Variants in DUOXA1 observed in about 807,000 individuals in gnomAD.
The protein encoded by DUOXA1 is dual oxidase activator 1.
A neutral mutation model predicts 26.6 loss-of-function variants in DUOXA1; 19 were observed. The observed-to-expected ratio is 0.71, with a 90% confidence interval of 0.50 to 1.05. DUOXA1 has a LOEUF of 1.05. Among genes scored for constraint, DUOXA1 ranks in the 50% least tolerant of loss-of-function variants. The pLI, the probability that DUOXA1 is intolerant of heterozygous loss-of-function variation, is 0.00. For missense variants in DUOXA1, 403 were observed against 427.5 expected (o/e 0.94, Z 0.51); for synonymous variants, 166 against 177.0 (o/e 0.94, Z 0.49).
Position 45,120,127 on chromosome 15 carries a change from C to T in DUOXA1, c.748G>A (p.Ala250Thr), listed in dbSNP as rs1009326616. 6.2e-7 allele frequency: 1 copy of T among 1,613,856 alleles called. No individual in the cohort carries two copies. Among genetic ancestry groups the T allele is most frequent in the Non-Finnish European group, 8.5e-7 (1 of 1,180,000 alleles). ...ASVLHTHHGP[A>T]FWITLTTGLL... ...CCTGTGGTCAATGTGATCCAGAAGG[C>T]AGGCCCATGGTGAGTATGCAGCACA... The change falls in exon 8 of 9, where the codon GCC (alanine) becomes ACC (threonine). Residue 250 changes from alanine (A) to threonine (T), a missense_variant. Transcript: ENST00000560572.
rs1344823224 is a variant in DUOXA1 at position 45,118,588 on chromosome 15, C to T, written c.*518G>A. ...TGTGGCATAGTTGGTTAATGTTAGA[C>T]CTAGGATGAGAAGTTTGGTTTCCCC... On this transcript the variant is annotated 3_prime_UTR_variant, in exon 9 of 9. Transcript: ENST00000560572. 7.1e-6 allele frequency: 7 copies of T among 990,766 alleles called. No homozygotes were observed. The highest frequency in any genetic ancestry group is 7.0e-5 in the African/African-American group (4 of 57,382). The allele number at this position is 990,766 out of a possible 1,614,324, so 61.4% of individuals were successfully genotyped here.
Position 45,120,235 on chromosome 15 carries a change from C to A in DUOXA1, c.640G>T (p.Gly214Cys), listed in dbSNP as rs1024699599. 2 of 1,614,074 alleles carry A rather than the reference C, an allele frequency of 1.2e-6. No homozygotes were observed. Among genetic ancestry groups the A allele is most frequent in the Non-Finnish European group, 1.7e-6 (2 of 1,179,986 alleles). The change falls in exon 8 of 9, where the codon GGC becomes TGC. Residue 214 changes from glycine (G) to cysteine (C), a missense_variant. By Grantham distance (159) the Gly-to-Cys change is radical (BLOSUM62 -3). Transcript: ENST00000560572. The part of the protein sequence containing the change: ...VYGGYMLLAT[G>C]IFQLLALLFF... ...AGCAGAGCCAACAGCTGGAAGATGC[C>A]CGTGGCCAATAGCATGTAGCCACCA... is the stretch of plus-strand genomic sequence containing the variant.
chr15:45,117,835 C>G lies in DUOXA1; in HGVS notation c.*1271G>C, dbSNP rs1221894396. 3.1e-6 allele frequency: 5 copies of G among 1,613,688 alleles called. No individual in the cohort carries two copies. Among genetic ancestry groups the G allele is most frequent in the Non-Finnish European group, 4.2e-6 (5 of 1,180,050 alleles). On this transcript the variant is annotated 3_prime_UTR_variant, in exon 9 of 9. Transcript: ENST00000560572. ...CTGCAGCCAGGAGAGAGGGGGCTCA[C>G]CTCTTATCCTCGGCGACCCACTGCA...
rs375226671 is a variant in DUOXA1 at position 45,121,139 on chromosome 15, G to A, written c.288C>T (p.Ser96=). The change falls in exon 6 of 9, where the codon AGC becomes AGT. Residue 96 remains serine (S), a synonymous_variant. Coordinates refer to ENST00000560572, the MANE Select transcript of DUOXA1 (RefSeq NM_001276266.2). The part of the protein sequence containing the change: ...SYKAFSSEWI[S]ADIGLQVGLG... ...GCCCGACCTGCAGCCCAATATCAGC[G>A]CTGATCCACTCAGAACTGAAGGCCT... 4.8e-5 allele frequency: 77 copies of A among 1,614,010 alleles called. No homozygotes were observed. The highest frequency in any genetic ancestry group is 6.3e-5 in the Non-Finnish European group (74 of 1,180,034).
Position 45,129,853 on chromosome 15 carries a change from TCG to T in DUOXA1, c.-306_-305del, listed in dbSNP as rs1896029825. 1 of 152,016 alleles carries T rather than the reference TCG, an allele frequency of 6.6e-6. No homozygotes were observed. The highest frequency in any genetic ancestry group is 2.4e-5 in the African/African-American group (1 of 41,320). 9.4% of individuals were successfully genotyped at this position (152,016 alleles called of 1,614,324 possible). On this transcript the variant is annotated splice_region_variant and 5_prime_UTR_variant, in exon 1 of 9. Transcript: ENST00000560572. This position sits in a 1 kb window ranked among gnomAD's most constrained non-coding sequence, Gnocchi z 4.1. Reference sequence around the variant, plus strand: ...CCCCGGGAGCCCTCGCCGTCTCACCTCGCGCGCTGCCGTCCGCTGGAAGCACC... The same window carrying T: ...CCCCGGGAGCCCTCGCCGTCTCACCTCGCGCTGCCGTCCGCTGGAAGCACC...
Position 45,120,268 on chromosome 15 carries a change from G to C in DUOXA1, c.607C>G (p.Leu203Val), listed in dbSNP as rs759815184. 1.2e-6 allele frequency: 2 copies of C among 1,614,136 alleles called. No individual in the cohort carries two copies. The highest frequency in any genetic ancestry group is 1.7e-5 in the Admixed American group (1 of 60,026). Residue 203 changes from leucine to valine, a missense_variant, in exon 8 of 9, where the codon CTG (leucine) becomes GTG (valine). Physicochemically the swap from Leu to Val is conservative, Grantham distance 32 (BLOSUM62 1). Coordinates refer to ENST00000560572, the MANE Select transcript of DUOXA1 (RefSeq NM_001276266.2). The stretch of plus-strand genomic sequence containing the variant: ...AATAGCATGTAGCCACCATATACCA[G>C]CACAGGCATGGAGAGCATCACATTG... The part of the protein sequence containing the change: ...LANVMLSMPV[L>V]VYGGYMLLAT...
Position 45,118,166 on chromosome 15 carries a change from T to G in DUOXA1, c.*940A>C. Reference sequence around the variant, plus strand: ...GCCGGGGTCGCACGTCCTCATGAGCTTCGCTGGGCTGGAGACAGCCTAGTA... The same window carrying G: ...GCCGGGGTCGCACGTCCTCATGAGCGTCGCTGGGCTGGAGACAGCCTAGTA... On this transcript the variant is annotated 3_prime_UTR_variant, in exon 9 of 9. Coordinates refer to ENST00000560572, the MANE Select transcript of DUOXA1 (RefSeq NM_001276266.2). 1 of 1,436,540 alleles carries G rather than the reference T, an allele frequency of 7.0e-7. No homozygotes were observed. Among genetic ancestry groups the G allele is most frequent in the Non-Finnish European group, 9.1e-7 (1 of 1,100,682 alleles). The allele number at this position is 1,436,540 out of a possible 1,614,324, so 89.0% of individuals were successfully genotyped here. A position where few individuals can be genotyped will look rare whatever the true frequency, so the allele number is the denominator to read the frequency against.
At chr15:45,120,455 C>G in intron 7 of DUOXA1, 135 bp from the exon 8 acceptor site, 1 of 1,446,922 alleles carries the variant, frequency 6.9e-7, no homozygotes, top group Non-Finnish European at 9.7e-7. Context: ...CCATGGACTT[C>G]CCAAGCCAGC....
chr15:45,119,022 G>A lies in DUOXA1; in HGVS notation c.*84C>T. 1.3e-6 allele frequency: 2 copies of A among 1,502,696 alleles called. No individual in the cohort carries two copies. Among genetic ancestry groups the A allele is most frequent in the Non-Finnish European group, 1.8e-6 (2 of 1,125,276 alleles). The allele number at this position is 1,502,696 out of a possible 1,614,324, so 93.1% of individuals were successfully genotyped here. A position where few individuals can be genotyped will look rare whatever the true frequency, so the allele number is the denominator to read the frequency against. ...CTGGGTGTCTGGTAACAGCCACCCT[G>A]AGGGCAGTTCTGCTGGTTTTATGGG... is the stretch of plus-strand genomic sequence containing the variant. On this transcript the variant is annotated 3_prime_UTR_variant, in exon 9 of 9. Coordinates refer to ENST00000560572, the MANE Select transcript of DUOXA1 (RefSeq NM_001276266.2).
In DUOXA1 at chr15:45,127,151, A is replaced by T. The variant is rs569366386; in HGVS notation, c.-30+1867T>A. Among the ~76,000 whole-genome samples, 134 of 152,372 alleles carry T rather than the reference A, an allele frequency of 8.8e-4. 5 individuals carry two copies. The South Asian group carries it at 0.027, about 30-fold the overall frequency. On this transcript the variant is annotated intron_variant, in intron 3 of 8. Coordinates refer to ENST00000560572, the MANE Select transcript of DUOXA1 (RefSeq NM_001276266.2). ...AGTTCATAGGAGGAAGGTCTATAAA[A>T]TGTAAAATATCTTGGCTAATAAGAT... is the stretch of plus-strand genomic sequence containing the variant.
chr15:45,123,017 T>C lies in DUOXA1; in HGVS notation c.-3A>G. ...AATGTGTGTCCCAAAGTAGCCATCT[T>C]GGTGAGGTGGTGCAGGGGGGGCAAT... On this transcript the variant is annotated 5_prime_UTR_variant, in exon 4 of 9. Transcript: ENST00000560572. 2 of 1,607,566 alleles carry C rather than the reference T, an allele frequency of 1.2e-6. No individual in the cohort carries two copies. The highest frequency in any genetic ancestry group is 1.7e-6 in the Non-Finnish European group (2 of 1,176,896).
rs746662073 is a variant in DUOXA1 at position 45,120,231 on chromosome 15, A to T, written c.644T>A (p.Ile215Asn). The T allele has an allele frequency of 6.2e-7, 1 of 1,614,138 alleles. No individual in the cohort carries two copies. Among genetic ancestry groups the T allele is most frequent in the South Asian group, 1.1e-5 (1 of 91,082 alleles). ...GAAGAGCAGAGCCAACAGCTGGAAG[A>T]TGCCCGTGGCCAATAGCATGTAGCC... ...YGGYMLLATGIFQLLALLFFS... is the reference protein window; with the variant it reads ...YGGYMLLATGNFQLLALLFFS... The change falls in exon 8 of 9, where the codon ATC becomes AAC. Residue 215 changes from isoleucine to asparagine, a missense_variant. By Grantham distance (149) the Ile-to-Asn change is moderately radical. Coordinates refer to ENST00000560572, the MANE Select transcript of DUOXA1 (RefSeq NM_001276266.2).
chr15:45,119,134 T>C lies in DUOXA1; in HGVS notation c.1004A>G (p.His335Arg). ...SSTKAYCKEA[H>R]PKDPDCAL The stretch of plus-strand genomic sequence containing the variant: ...TAAAGCACAATCAGGATCTTTGGGG[T>C]GTGCCTCCTTACAGTATGCCTTGGT... The change falls in exon 9 of 9, where the codon CAC (histidine) becomes CGC (arginine). Residue 335 changes from histidine (H) to arginine (R), a missense_variant. By Grantham distance (29) the His-to-Arg change is conservative. Coordinates refer to ENST00000560572, the MANE Select transcript of DUOXA1 (RefSeq NM_001276266.2). 6.3e-7 allele frequency: 1 copy of C among 1,597,964 alleles called. No individual in the cohort carries two copies. Among genetic ancestry groups the C allele is most frequent in the Non-Finnish European group, 8.6e-7 (1 of 1,167,010 alleles).
rs755775190 is a variant in DUOXA1, at chr15:45,117,850, G to A, written c.*1256C>T. 6.8e-6 allele frequency: 11 copies of A among 1,613,696 alleles called. No homozygotes were observed. Among genetic ancestry groups the A allele is most frequent in the East Asian group, 2.2e-5 (1 of 44,878 alleles). ...AGGGGGCTCACCTCTTATCCTCGGC[G>A]ACCCACTGCACAAGCAGGCCGCTCT... On this transcript the variant is annotated 3_prime_UTR_variant, in exon 9 of 9. Transcript: ENST00000560572.
chr15:45,118,957 A>G lies in DUOXA1; in HGVS notation c.*149T>C. ...TTTTGTTTTGTTTTTTAACATCAGTATATAGAGCCTCCTTTTTCTACTCCG... is the reference window on the plus strand; with the variant it reads ...TTTTGTTTTGTTTTTTAACATCAGTGTATAGAGCCTCCTTTTTCTACTCCG... On this transcript the variant is annotated 3_prime_UTR_variant, in exon 9 of 9. Transcript: ENST00000560572. The G allele has an allele frequency of 7.0e-7, 1 of 1,420,338 alleles. No homozygotes were observed. The highest frequency in any genetic ancestry group is 2.6e-4 in the Middle Eastern group (1 of 3,834). The allele number at this position is 1,420,338 out of a possible 1,614,324, so 88.0% of individuals were successfully genotyped here. A position where few individuals can be genotyped will look rare whatever the true frequency, so the allele number is the denominator to read the frequency against.
At chr15:45,128,579 T>C (rs1478654228) in intron 3 of DUOXA1, among the ~76,000 whole-genome samples, 4 of 152,162 alleles carry the variant, frequency 2.6e-5, no homozygotes, top group African/African-American at 9.7e-5. Context: ...TGTGTGTACG[T>C]GTGTATCTGT....
rs761154652 is a variant in DUOXA1 at position 45,122,262 on chromosome 15, G to A, written c.148-20C>T. 6.3e-7 allele frequency: 1 copy of A among 1,593,932 alleles called. No homozygotes were observed. The highest frequency in any genetic ancestry group is 1.3e-5 in the African/African-American group (1 of 74,772). On this transcript the variant is annotated intron_variant, in intron 4 of 8. Coordinates refer to ENST00000560572, the MANE Select transcript of DUOXA1 (RefSeq NM_001276266.2). ...CAGCCTCTGAGTCACAAGGTAGGTG[G>A]GTTAAGTAAAGAGTGCCTTCCTTCC...
In DUOXA1 at chr15:45,117,844, C is replaced by T. The variant is rs780963242; in HGVS notation, c.*1262G>A. 18 of 1,613,800 alleles carry T rather than the reference C, an allele frequency of 1.1e-5. No homozygotes were observed. The South Asian group carries it at 1.8e-4, about 16-fold the overall frequency. Reference sequence around the variant, plus strand: ...GGAGAGAGGGGGCTCACCTCTTATCCTCGGCGACCCACTGCACAAGCAGGC... The same window carrying T: ...GGAGAGAGGGGGCTCACCTCTTATCTTCGGCGACCCACTGCACAAGCAGGC... On this transcript the variant is annotated 3_prime_UTR_variant, in exon 9 of 9. Transcript: ENST00000560572.
rs1566983815 is a variant in DUOXA1, at chr15:45,117,565, G to C, written c.*1541C>G. 6.3e-7 allele frequency: 1 copy of C among 1,594,780 alleles called. No individual in the cohort carries two copies. The highest frequency in any genetic ancestry group is 8.5e-7 in the Non-Finnish European group (1 of 1,169,848). On this transcript the variant is annotated 3_prime_UTR_variant, in exon 9 of 9. Transcript: ENST00000560572. ...GTAACACAAGGGGTAGGCTCCAAAA[G>C]ATGGAAGAAGGCCCGGGCATCACGC...
Sources: gnomAD v4.1 joint callset for allele counts (sites outside exome capture counted in the v4.1 genomes callset) on GRCh38, gnomAD v4.1.1 for gene constraint, Gnocchi (gnomAD v3.1) non-coding constraint, MANE v1.5 for transcripts, NCBI Gene and HGNC (gene_info 2026-07-23, HGNC 2026-07-21) for gene names.